The following ESRRG variants were observed in gnomAD, a reference collection of about 807,000 sequenced individuals.
The protein encoded by ESRRG is estrogen related receptor gamma.
ESRRG carries 13 observed loss-of-function variants against 44.0 expected under a neutral mutation model. The ratio of observed to expected loss-of-function variants is 0.30; its 90% CI spans 0.19 to 0.47. The LOEUF (loss-of-function observed/expected upper bound fraction) is 0.47. ESRRG is among the 20% of genes least tolerant of loss of function. ESRRG has a pLI of 1.00. For synonymous variants in ESRRG, 215 were observed against 214.6 expected (o/e 1.00, Z -0.02); for missense variants, 395 against 580.6 (o/e 0.68, Z 3.29).
intron 3 of ESRRG, among the ~76,000 whole-genome samples, chr1:216,607,323 T>C (rs1574003131): frequency 6.6e-6 from 1 of 152,180 alleles, no homozygotes; most frequent in Non-Finnish European, 1.5e-5. Context: ...TCATGACCTC[T>C]CTGTCACTTG....
At chr1:216,683,184 T>C (rs2077334504) in intron 1 of ESRRG, among the ~76,000 whole-genome samples, 1 of 152,200 alleles carries the variant, frequency 6.6e-6, no homozygotes. Flanking sequence ...AAAGGATTTT[T>C]TCTTTTAATA....
intron 1 of ESRRG, among the ~76,000 whole-genome samples, chr1:217,064,893 T>C (rs1488690104): frequency 1.3e-5 from 2 of 152,000 alleles, no homozygotes; most frequent in African/African-American, 4.8e-5. Flanking sequence ...CCTCAATATA[T>C]CCTGACTGGG....
chr1:216,514,982 ACAC>A (rs1265209071), intron 6 of ESRRG, among the ~76,000 whole-genome samples: 1 of 151,662 alleles, frequency 6.6e-6, no homozygotes, highest in Non-Finnish European at 1.5e-5. Context: ...ACACACACAC[ACAC>A]AACACACACT....
chr1:216,535,132 C>A (rs1298393582), intron 5 of ESRRG, among the ~76,000 whole-genome samples: 4 of 152,038 alleles, frequency 2.6e-5, no homozygotes, highest in Non-Finnish European at 5.9e-5. Context: ...CATCAAGTCT[C>A]CAGAAAGCAC....
intron 2 of ESRRG, among the ~76,000 whole-genome samples, chr1:216,937,170 C>T (rs758966064): frequency 1.3e-5 from 2 of 151,376 alleles, no homozygotes; most frequent in Non-Finnish European, 2.9e-5. Flanking sequence ...AAGCTTTCTG[C>T]TAATTCTCAG....
chr1:217,027,955 C>T (rs2081474707), intron 1 of ESRRG, among the ~76,000 whole-genome samples: 1 of 152,134 alleles, frequency 6.6e-6, no homozygotes, highest in African/African-American at 2.4e-5. Context: ...TAAACTAATG[C>T]CTTACTAACA....
At chr1:216,517,853 G>C (rs1188261797) in intron 6 of ESRRG, among the ~76,000 whole-genome samples, 3 of 152,094 alleles carry the variant, frequency 2.0e-5, no homozygotes, top group Non-Finnish European at 2.9e-5. Context: ...ATGGTGTGGT[G>C]AGGAAGAGGG....
At chr1:216,670,354 C>T (rs1386955285) in intron 2 of ESRRG, among the ~76,000 whole-genome samples, 1 of 152,236 alleles carries the variant, frequency 6.6e-6, no homozygotes, top group East Asian at 1.9e-4. Context: ...TGCCCGCATG[C>T]CTTTAGCATA....
chr1:217,068,031 A>G (rs1273813151), intron 1 of ESRRG, among the ~76,000 whole-genome samples: 1 of 152,164 alleles, frequency 6.6e-6, no homozygotes, highest in Non-Finnish European at 1.5e-5. Flanking sequence ...ATTACATGGT[A>G]AAGTGGGTAG....
intron 2 of ESRRG, among the ~76,000 whole-genome samples, chr1:216,760,866 G>T (rs1337672778): frequency 6.6e-6 from 1 of 152,098 alleles, no homozygotes; most frequent in African/African-American, 2.4e-5. Context: ...TTATGAGGTG[G>T]TGGGAGGTGA....
chr1:217,090,787 C>T (rs1015992895), upstream of ESRRG, among the ~76,000 whole-genome samples: 11 of 152,300 alleles, frequency 7.2e-5, no homozygotes, highest in African/African-American at 2.6e-4. Context: ...TTTTATTTAA[C>T]TCATTCTACA....
At chr1:216,911,498 T>C (rs2060294277) in intron 2 of ESRRG, among the ~76,000 whole-genome samples, 1 of 152,184 alleles carries the variant, frequency 6.6e-6, no homozygotes, top group Admixed American at 6.6e-5. Flanking sequence ...AACTACTCTG[T>C]ATAATGTTAT....
At chr1:216,831,866 ACT>A (rs2095492972) in intron 2 of ESRRG, among the ~76,000 whole-genome samples, 1 of 152,172 alleles carries the variant, frequency 6.6e-6, no homozygotes, top group African/African-American at 2.4e-5. Context: ...GTCACTGGGC[ACT>A]TACATGTAAA....
At chr1:216,957,349 A>T (rs2818789) in intron 1 of ESRRG, among the ~76,000 whole-genome samples, 99,686 of 152,004 alleles carry the variant, frequency 0.66, 35,784 homozygotes, top group Non-Finnish European at 0.82. Flanking sequence ...TCCTGTGAAC[A>T]CCAGACTCAT....
chr1:216,908,251 T>C (rs1250903664), intron 2 of ESRRG, among the ~76,000 whole-genome samples: 14 of 152,188 alleles, frequency 9.2e-5, no homozygotes, highest in Non-Finnish European at 4.4e-5. Context: ...TCCTCCAGCT[T>C]TCCTGAGGGA....
intron 1 of ESRRG, among the ~76,000 whole-genome samples, chr1:217,052,635 C>A (rs2086262651): frequency 1.3e-5 from 2 of 152,170 alleles, no homozygotes; most frequent in Admixed American, 1.3e-4. Context: ...TTTCCCTTGA[C>A]TTGACTGAAC....
chr1:216,556,553 T>G (rs1390762091), intron 5 of ESRRG, among the ~76,000 whole-genome samples: 1 of 152,150 alleles, frequency 6.6e-6, no homozygotes, highest in African/African-American at 2.4e-5. Context: ...TCAACTCAGG[T>G]CATCTTCAGC....
chr1:216,757,852 T>G (rs2092547241), intron 2 of ESRRG, among the ~76,000 whole-genome samples: 1 of 152,116 alleles, frequency 6.6e-6, no homozygotes, highest in African/African-American at 2.4e-5. Context: ...CAAATCAGGC[T>G]TCAAATACAT....
rs1046324034 is a variant in ESRRG at position 216,505,639 on chromosome 1, G to A, written c.*1300C>T. The A allele has an allele frequency of 1.3e-5, 2 of 152,398 alleles. No homozygotes were observed. Among genetic ancestry groups the A allele is most frequent in the Non-Finnish European group, 2.9e-5 (2 of 67,996 alleles). 9.4% of individuals were successfully genotyped at this position (152,398 alleles called of 1,614,324 possible). ...AGAGGTGCACTCCTGACAATTCTAC[G>A]GATCTATATCTCATGTGCAGTGCTT... On this transcript the variant is annotated 3_prime_UTR_variant, in exon 7 of 7. Coordinates refer to ENST00000408911, the MANE Select transcript of ESRRG (RefSeq NM_001438.4).
Sources: gnomAD v4.1 joint callset for allele counts (sites outside exome capture counted in the v4.1 genomes callset) on GRCh38, gnomAD v4.1.1 for gene constraint, MANE v1.5 for transcripts, NCBI Gene and HGNC (gene_info 2026-07-23, HGNC 2026-07-21) for gene names.